TRPC4AP: variants seen among roughly 807,000 people sequenced by gnomAD.
TRPC4AP encodes short transient receptor potential channel 4-associated protein.
TRPC4AP carries 45 observed loss-of-function variants against 99.0 expected under a neutral mutation model. The ratio of observed to expected loss-of-function variants is 0.45; its 90% CI spans 0.36 to 0.58. The LOEUF is 0.58. Ranked by LOEUF, TRPC4AP falls within the 20% of genes least tolerant of loss-of-function variation. The pLI is 0.00. For synonymous variants in TRPC4AP, 408 were observed against 385.8 expected (o/e 1.06, Z -0.67); for missense variants, 879 against 985.3 (o/e 0.89, Z 1.44).
intron 3 of TRPC4AP, among the ~76,000 whole-genome samples, chr20:35,063,624 T>A (rs1025645436): frequency 6.6e-6 from 1 of 150,706 alleles, no homozygotes; most frequent in Admixed American, 6.6e-5. Context: ...CTGAAGAAGG[T>A]GAGGCAGGAA....
intron 2 of TRPC4AP, among the ~76,000 whole-genome samples, chr20:35,073,273 C>A (rs1050283364): frequency 6.6e-6 from 1 of 152,146 alleles, no homozygotes; most frequent in African/African-American, 2.4e-5. Flanking sequence ...TTATTTCTTT[C>A]TCCTGCCTGA....
intron 7 of TRPC4AP, among the ~76,000 whole-genome samples, chr20:35,044,165 TG>T (rs778439856): frequency 2.6e-5 from 4 of 151,476 alleles, no homozygotes; most frequent in Non-Finnish European, 4.4e-5. Flanking sequence ...ATGAGGTGGG[TG>T]GATCACTTGA....
intron 1 of TRPC4AP, among the ~76,000 whole-genome samples, chr20:35,090,238 C>T (rs1324627329): frequency 6.6e-6 from 1 of 151,462 alleles, no homozygotes; most frequent in Non-Finnish European, 1.5e-5. Flanking sequence ...CCATTTTATC[C>T]TCACTATAGC....
chr20:35,080,805 T>TATTG (rs2084622479), intron 1 of TRPC4AP, among the ~76,000 whole-genome samples: 1 of 139,090 alleles, frequency 7.2e-6, no homozygotes, highest in African/African-American at 3.0e-5. Flanking sequence ...TACACTTCAG[T>TATTG]TTTTTTTTTT....
intron 7 of TRPC4AP, 87 bp from the exon 8 acceptor site, chr20:35,035,395 A>G (rs2083295487): frequency 2.2e-6 from 3 of 1,358,938 alleles, no homozygotes; most frequent in Non-Finnish European, 3.0e-6. Flanking sequence ...TCTGCATGAT[A>G]GGAATAATTC....
Position 35,021,348 on chromosome 20 carries a change from C to G in TRPC4AP, c.1060G>C (p.Val354Leu). The G allele has an allele frequency of 6.2e-7, 1 of 1,613,656 alleles. No individual in the cohort carries two copies. The highest frequency in any genetic ancestry group is 8.5e-7 in the Non-Finnish European group (1 of 1,179,740). The change falls in exon 9 of 19, where the codon GTG becomes CTG. Residue 354 changes from valine to leucine, a missense_variant. Val to Leu is a conservative substitution (Grantham distance 32). Transcript: ENST00000252015. ...EESEHNQASI[V>L]FPPPGASEEN... is the part of the protein sequence containing the mutation. ...TCAGAAGCCCCTGGAGGAGGGAACA[C>G]AATGGAGGCTGACACAGCCACCGGA...
Position 35,069,395 on chromosome 20 carries a change from G to A in TRPC4AP, c.315C>T (p.Leu105=), listed in dbSNP as rs534933075. Residue 105 remains leucine (L), a synonymous_variant, in exon 3 of 19, where the codon CTC becomes CTT. Coordinates refer to ENST00000252015, the MANE Select transcript of TRPC4AP (RefSeq NM_015638.3). ...QNILKEISPL[L]SMEAMAFVTE... Reference sequence around the variant, plus strand: ...TAACAAATGCCATAGCCTCCATGGAGAGAAGAGGAGAAATTTCCTAGTTTT... The same window carrying A: ...TAACAAATGCCATAGCCTCCATGGAAAGAAGAGGAGAAATTTCCTAGTTTT... 5.6e-6 allele frequency: 9 copies of A among 1,608,440 alleles called. No individual in the cohort carries two copies. The highest frequency in any genetic ancestry group is 1.7e-4 in the Middle Eastern group (1 of 6,048).
At chr20:35,045,695 C>A (rs890709449) in intron 6 of TRPC4AP, among the ~76,000 whole-genome samples, 4 of 152,224 alleles carry the variant, frequency 2.6e-5, no homozygotes, top group Non-Finnish European at 4.4e-5. Flanking sequence ...CCCGCCACCA[C>A]GCCTGGCTAA....
chr20:35,066,543 G>A (rs901948651), intron 3 of TRPC4AP, among the ~76,000 whole-genome samples: 1 of 152,238 alleles, frequency 6.6e-6, no homozygotes, highest in East Asian at 1.9e-4. Context: ...ATGGGGTTAA[G>A]GGCAGATATC....
intron 1 of TRPC4AP, among the ~76,000 whole-genome samples, chr20:35,090,620 C>T (rs913958386): frequency 3.3e-5 from 5 of 152,108 alleles, no homozygotes; most frequent in Admixed American, 6.5e-5. Context: ...ATGATCCACC[C>T]GCCTCGACCT....
chr20:35,054,829 G>T, intron 5 of TRPC4AP, 147 bp downstream of exon 5: 1 of 680,022 alleles, frequency 1.5e-6, no homozygotes, highest in Non-Finnish European at 2.4e-6. Flanking sequence ...AGTTAGTCCT[G>T]ATTTTCAGGC....
intron 3 of TRPC4AP, among the ~76,000 whole-genome samples, chr20:35,065,716 AC>A (rs1402196330): frequency 6.6e-6 from 1 of 151,960 alleles, no homozygotes; most frequent in Non-Finnish European, 1.5e-5. Context: ...GGAAAGAAAA[AC>A]CCCCACAAAA....
chr20:35,048,563 G>GTA (rs2083615254), intron 6 of TRPC4AP, among the ~76,000 whole-genome samples: 1 of 152,120 alleles, frequency 6.6e-6, no homozygotes, highest in Non-Finnish European at 1.5e-5. Context: ...ATCCTTTGTT[G>GTA]GTTACCTGAA....
chr20:35,051,301 C>T (rs2083694071), intron 5 of TRPC4AP, among the ~76,000 whole-genome samples: 1 of 152,086 alleles, frequency 6.6e-6, no homozygotes, highest in Non-Finnish European at 1.5e-5. Flanking sequence ...ATTTAATTTT[C>T]TTTCTTTTAA....
At chr20:35,036,719 G>T (rs2083327782) in intron 7 of TRPC4AP, among the ~76,000 whole-genome samples, 2 of 151,782 alleles carry the variant, frequency 1.3e-5, no homozygotes, top group Admixed American at 1.3e-4. Context: ...GGCCAAGGTG[G>T]GTGGATCACT....
At chr20:35,013,729 G>A (rs1451556768) in intron 10 of TRPC4AP, among the ~76,000 whole-genome samples, 1 of 152,210 alleles carries the variant, frequency 6.6e-6, no homozygotes, top group Non-Finnish European at 1.5e-5. Flanking sequence ...GAGAGGTGGA[G>A]ACAAGACCTA....
intron 5 of TRPC4AP, 87 bp downstream of exon 5, chr20:35,054,889 T>A: frequency 8.5e-7 from 1 of 1,172,852 alleles, no homozygotes. Context: ...AGCTCTTATG[T>A]CTGCCATTCT....
intron 5 of TRPC4AP, among the ~76,000 whole-genome samples, chr20:35,050,422 A>C (rs1480526765): frequency 6.6e-6 from 1 of 152,108 alleles, no homozygotes; most frequent in African/African-American, 2.4e-5. Flanking sequence ...GATCATCTTA[A>C]AAGTCTTTGA....
intron 7 of TRPC4AP, among the ~76,000 whole-genome samples, chr20:35,041,724 C>CTATT (rs1600574544): frequency 6.6e-6 from 1 of 152,180 alleles, no homozygotes; most frequent in Admixed American, 6.5e-5. Flanking sequence ...AATCATCTGC[C>CTATT]AGAATAGATT....
Sources: gnomAD v4.1 joint callset for allele counts (sites outside exome capture counted in the v4.1 genomes callset) on GRCh38, gnomAD v4.1.1 for gene constraint, MANE v1.5 for transcripts, NCBI Gene and HGNC (gene_info 2026-07-23, HGNC 2026-07-21) for gene names.